Variants in NTM observed in about 807,000 individuals in gnomAD.
NTM encodes IgLON family member 2.
In NTM, 13 loss-of-function variants were observed where a neutral mutation model predicts 42.1. The ratio of observed to expected loss-of-function variants is 0.31; its 90% CI spans 0.20 to 0.49. NTM has a LOEUF of 0.49. NTM is among the 20% of genes least tolerant of loss of function. The pLI, the probability that NTM is intolerant of heterozygous loss-of-function variation, is 0.99. For missense variants in NTM, 373 were observed against 452.8 expected (o/e 0.82, Z 1.60); for synonymous variants, 187 against 179.2 (o/e 1.04, Z -0.35).
In NTM at chr11:132,312,128, G is replaced by A. The variant is rs574769095; in HGVS notation, c.782+1896G>A. 1.2e-4 allele frequency among the ~76,000 whole-genome samples: 19 copies of A among 152,304 alleles called. 1 individual carries two copies. The South Asian group carries it at 2.5e-3, about 20-fold the overall frequency. On this transcript the variant is annotated intron_variant, in intron 6 of 8. Coordinates refer to ENST00000683400, the MANE Select transcript of NTM (RefSeq NM_001352005.2). ...TTTCCTCCTGGCACCCAGCTCAGCT[G>A]CAGCATCCCTGCCTCTGAGGTCCTG... is the stretch of plus-strand genomic sequence containing the variant.
At chr11:132,245,735 A>G (rs2091022871) in intron 4 of NTM, among the ~76,000 whole-genome samples, 1 of 151,998 alleles carries the variant, frequency 6.6e-6, no homozygotes, top group Non-Finnish European at 1.5e-5. Context: ...CTGACTTAGT[A>G]TCCCTTCCCC....
At chr11:132,181,165 A>G (rs2077519299) in intron 3 of NTM, among the ~76,000 whole-genome samples, 1 of 152,178 alleles carries the variant, frequency 6.6e-6, no homozygotes, top group African/African-American at 2.4e-5. Context: ...ACTTTTCATG[A>G]AACTACTCCC....
chr11:131,703,134 G>A (rs955029947), intron 1 of NTM, among the ~76,000 whole-genome samples: 11 of 152,166 alleles, frequency 7.2e-5, no homozygotes, highest in African/African-American at 2.7e-4. Context: ...GGAGGAATAA[G>A]TTCTGGTGTT....
intron 1 of NTM, among the ~76,000 whole-genome samples, chr11:131,563,579 C>CA (rs772759392): frequency 1.1e-5 from 1 of 88,784 alleles, no homozygotes; most frequent in African/African-American, 4.6e-5. Context: ...GCTCCAGACA[C>CA]TTTTTTTTTT....
At chr11:131,791,187 T>C (rs1000363250) in intron 1 of NTM, among the ~76,000 whole-genome samples, 1 of 152,196 alleles carries the variant, frequency 6.6e-6, no homozygotes, top group South Asian at 2.1e-4. Context: ...AAAGCTAGTT[T>C]CAGCCTACTG....
At chr11:131,983,045 G>T (rs926496361) in intron 2 of NTM, among the ~76,000 whole-genome samples, 3 of 145,228 alleles carry the variant, frequency 2.1e-5, no homozygotes, top group Non-Finnish European at 4.5e-5. Context: ...CTACTCAAAG[G>T]AAAATGATTT....
At chr11:131,540,151 CTTGTTTT>C (rs2052985342) in intron 1 of NTM, among the ~76,000 whole-genome samples, 2 of 110,648 alleles carry the variant, frequency 1.8e-5, no homozygotes, top group Non-Finnish European at 3.6e-5. Flanking sequence ...GCTATTTAAG[CTTGTTTT>C]TTTTTTTTTT....
intron 2 of NTM, among the ~76,000 whole-genome samples, chr11:132,119,733 C>T (rs2064459576): frequency 6.6e-6 from 1 of 152,198 alleles, no homozygotes; most frequent in Non-Finnish European, 1.5e-5. Context: ...ATCTGATGGG[C>T]TTTGGGGACC....
At chr11:131,885,058 T>C (rs1003271718) in intron 1 of NTM, among the ~76,000 whole-genome samples, 1 of 152,040 alleles carries the variant, frequency 6.6e-6, no homozygotes, top group Non-Finnish European at 1.5e-5. Context: ...CTCATCCTAA[T>C]GTAAAGAAGA....
chr11:131,436,451 C>G (rs773687439), intron 1 of NTM, among the ~76,000 whole-genome samples: 2 of 152,116 alleles, frequency 1.3e-5, no homozygotes, highest in African/African-American at 2.4e-5. Context: ...ATTATTGCCT[C>G]AATTTCAGAG....
chr11:132,204,250 G>A (rs896056738), intron 3 of NTM, among the ~76,000 whole-genome samples: 1 of 152,220 alleles, frequency 6.6e-6, no homozygotes, highest in African/African-American at 2.4e-5. Flanking sequence ...ACATCATTAT[G>A]TTCACTTACA....
chr11:131,908,274 A>AT (rs2054156163), intron 1 of NTM, among the ~76,000 whole-genome samples: 1 of 152,254 alleles, frequency 6.6e-6, no homozygotes, highest in Non-Finnish European at 1.5e-5. Flanking sequence ...ATACTAATGA[A>AT]GCAATGGCAG....
At chr11:131,584,972 C>A (rs1438672061) in intron 1 of NTM, among the ~76,000 whole-genome samples, 2 of 151,144 alleles carry the variant, frequency 1.3e-5, no homozygotes, top group African/African-American at 4.9e-5. Flanking sequence ...ATTGAAGAAG[C>A]GCAGCTGCTG....
chr11:131,805,302 C>T lies in NTM; in HGVS notation c.83-106262C>T, dbSNP rs1212935883. Among the ~76,000 whole-genome samples, 3 of 152,260 alleles carry T rather than the reference C, an allele frequency of 2.0e-5. No homozygotes were observed. In the East Asian group the frequency reaches 5.8e-4, roughly 29 times the overall value. On this transcript the variant is annotated intron_variant, in intron 1 of 8. Transcript: ENST00000683400. ...CTTTTGCTCTGGTACTTCCTTCCCA[C>T]AGAAATTTCCTCTCTATTATGGATT...
intron 1 of NTM, among the ~76,000 whole-genome samples, chr11:131,630,799 T>C (rs1233568321): frequency 1.3e-5 from 2 of 152,220 alleles, no homozygotes; most frequent in Non-Finnish European, 2.9e-5. Context: ...TTTTATTGAA[T>C]AGTTTTCTCT....
chr11:131,932,129 G>A (rs1039292376), intron 2 of NTM, among the ~76,000 whole-genome samples: 4 of 152,196 alleles, frequency 2.6e-5, no homozygotes, highest in Non-Finnish European at 4.4e-5. Context: ...CACTGTTCTA[G>A]GCTTTGTGGA....
At chr11:131,983,801 C>T (rs1028250890) in intron 2 of NTM, among the ~76,000 whole-genome samples, 2 of 152,200 alleles carry the variant, frequency 1.3e-5, no homozygotes, top group Admixed American at 6.5e-5. Flanking sequence ...AGGCTCTGCT[C>T]CATGTAGTCA....
intron 1 of NTM, among the ~76,000 whole-genome samples, chr11:131,765,373 C>T (rs1052444686): frequency 1.9e-4 from 29 of 152,214 alleles, no homozygotes; most frequent in Non-Finnish European, 1.3e-4. Flanking sequence ...GGGCGCCACA[C>T]CTTCTGAGGC....
At chr11:131,820,293 C>T (rs1259074509) in intron 1 of NTM, among the ~76,000 whole-genome samples, 2 of 152,122 alleles carry the variant, frequency 1.3e-5, no homozygotes, top group Non-Finnish European at 2.9e-5. Flanking sequence ...CTCTGGTTCT[C>T]TAAAGCACCA....
Sources: allele counts gnomAD v4.1 joint callset (sites outside exome capture counted in the v4.1 genomes callset), GRCh38; gene constraint gnomAD v4.1.1; transcripts MANE v1.5; gene names NCBI Gene and HGNC (gene_info 2026-07-23, HGNC 2026-07-21).